Variants in FAM135B observed in about 807,000 individuals in gnomAD.
The protein encoded by FAM135B is family with sequence similarity 135 member B.
Under a neutral mutation model 127.7 loss-of-function variants are expected in FAM135B, and 43 were observed. The observed-to-expected ratio is 0.34, with a 90% CI of 0.26 to 0.43. The LOEUF is 0.43. Ranked by LOEUF, FAM135B falls within the 20% of genes least tolerant of loss-of-function variation. FAM135B has a pLI of 1.00. For synonymous variants in FAM135B, 670 were observed against 665.1 expected, an observed-to-expected ratio of 1.01 and a Z score of -0.11; for missense variants, 1,558 against 1,725.6, an observed-to-expected ratio of 0.90 and a Z score of 1.72.
chr8:138,393,698 C>T (rs1410000656), intron 1 of FAM135B, among the ~76,000 whole-genome samples: 4 of 152,170 alleles, frequency 2.6e-5, no homozygotes, highest in African/African-American at 9.7e-5. Flanking sequence ...CCTGCCCTCA[C>T]GGAGCCCATG....
At chr8:138,469,954 C>T (rs887870212) in intron 1 of FAM135B, among the ~76,000 whole-genome samples, 16 of 152,196 alleles carry the variant, frequency 1.1e-4, no homozygotes, top group Non-Finnish European at 1.8e-4. Flanking sequence ...ATTAACTCAA[C>T]ACCTTGGATG....
intron 1 of FAM135B, among the ~76,000 whole-genome samples, chr8:138,478,741 G>C (rs1376960200): frequency 1.3e-5 from 2 of 152,200 alleles, no homozygotes; most frequent in African/African-American, 4.8e-5. Context: ...CCTTGCCCTT[G>C]GGTGAGTGTT....
chr8:138,193,779 G>A (rs952234191), intron 9 of FAM135B, among the ~76,000 whole-genome samples: 3 of 152,138 alleles, frequency 2.0e-5, no homozygotes, highest in African/African-American at 4.8e-5. Flanking sequence ...GCTCTCTAGC[G>A]GTCCCCTCAG....
chr8:138,443,566 T>C (rs888413274), intron 1 of FAM135B, among the ~76,000 whole-genome samples: 1 of 152,168 alleles, frequency 6.6e-6, no homozygotes, highest in Non-Finnish European at 1.5e-5. Flanking sequence ...CATCCTTATT[T>C]TCAAAATTGT....
At chr8:138,393,698 CG>C (rs947181764) in intron 1 of FAM135B, among the ~76,000 whole-genome samples, 1 of 152,170 alleles carries the variant, frequency 6.6e-6, no homozygotes, top group African/African-American at 2.4e-5. Flanking sequence ...CCTGCCCTCA[CG>C]GAGCCCATGC....
chr8:138,335,653 A>C (rs1291029284), intron 2 of FAM135B, among the ~76,000 whole-genome samples: 1 of 152,180 alleles, frequency 6.6e-6, no homozygotes, highest in Non-Finnish European at 1.5e-5. Context: ...AAACAATAAT[A>C]ATGGGAGACT....
chr8:138,231,095 T>C (rs1240416555), intron 7 of FAM135B, among the ~76,000 whole-genome samples: 2 of 152,126 alleles, frequency 1.3e-5, no homozygotes, highest in African/African-American at 2.4e-5. Flanking sequence ...AGTGGTGCAA[T>C]CTCAGCTCAC....
chr8:138,388,381 T>G (rs1466451756), intron 1 of FAM135B, among the ~76,000 whole-genome samples: 1 of 152,170 alleles, frequency 6.6e-6, no homozygotes, highest in Admixed American at 6.5e-5. Flanking sequence ...GATCCAGTAA[T>G]TGTGCTCCCC....
chr8:138,390,222 C>T (rs910309659), intron 1 of FAM135B, among the ~76,000 whole-genome samples: 35 of 152,092 alleles, frequency 2.3e-4, no homozygotes, highest in Non-Finnish European at 4.4e-4. Flanking sequence ...AATCTCATCT[C>T]GAATTGTAGC....
At chr8:138,335,345 G>C (rs1181520267) in intron 2 of FAM135B, among the ~76,000 whole-genome samples, 3 of 152,224 alleles carry the variant, frequency 2.0e-5, no homozygotes. Context: ...TATTTTCTTT[G>C]TGTAAATTAA....
intron 2 of FAM135B, among the ~76,000 whole-genome samples, chr8:138,331,458 C>A (rs888207762): frequency 1.3e-5 from 2 of 152,044 alleles, no homozygotes; most frequent in African/African-American, 4.8e-5. Flanking sequence ...TAGTCATTAT[C>A]CCAGATTATA....
intron 1 of FAM135B, among the ~76,000 whole-genome samples, chr8:138,378,242 C>T (rs746332174): frequency 1.3e-5 from 2 of 152,206 alleles, no homozygotes; most frequent in Non-Finnish European, 2.9e-5. Flanking sequence ...GATAAATACC[C>T]TGACATAAAG....
intron 2 of FAM135B, among the ~76,000 whole-genome samples, chr8:138,362,682 G>A (rs1830504986): frequency 6.6e-6 from 1 of 152,070 alleles, no homozygotes; most frequent in African/African-American, 2.4e-5. Context: ...ATGTATAAAT[G>A]GTATGACACA....
intron 1 of FAM135B, among the ~76,000 whole-genome samples, chr8:138,406,232 T>C (rs1341302200): frequency 2.0e-5 from 3 of 152,062 alleles, no homozygotes. Flanking sequence ...AGATCCCATT[T>C]GTCAATTTTG....
At chr8:138,354,582 C>G (rs1829973180) in intron 2 of FAM135B, among the ~76,000 whole-genome samples, 3 of 152,140 alleles carry the variant, frequency 2.0e-5, no homozygotes, top group Non-Finnish European at 4.4e-5. Context: ...TTCTTGACTT[C>G]CACCTGTCTC....
chr8:138,251,147 C>A, intron 5 of FAM135B, 133 bp from the exon 6 acceptor site: 1 of 1,049,306 alleles, frequency 9.5e-7, no homozygotes, highest in Non-Finnish European at 1.4e-6. Flanking sequence ...TGCAAATGCT[C>A]TGCCTGGTAG....
chr8:138,260,804 A>G (rs1281158757), intron 4 of FAM135B, among the ~76,000 whole-genome samples: 1 of 151,898 alleles, frequency 6.6e-6, no homozygotes, highest in Non-Finnish European at 1.5e-5. Context: ...CCCACTTTCT[A>G]TATTATTGCC....
At chr8:138,388,824 G>T (rs1832372045) in intron 1 of FAM135B, among the ~76,000 whole-genome samples, 1 of 152,120 alleles carries the variant, frequency 6.6e-6, no homozygotes, top group Non-Finnish European at 1.5e-5. Flanking sequence ...GTTAATATAT[G>T]TCAACACTTC....
chr8:138,373,262 G>A (rs949630004), intron 1 of FAM135B, among the ~76,000 whole-genome samples: 1 of 151,966 alleles, frequency 6.6e-6, no homozygotes, highest in African/African-American at 2.4e-5. Context: ...AAGATTTCAT[G>A]GACATTTATT....
Sources: gnomAD v4.1 joint callset for allele counts (sites outside exome capture counted in the v4.1 genomes callset) on GRCh38, gnomAD v4.1.1 for gene constraint, MANE v1.5 for transcripts, NCBI Gene and HGNC (gene_info 2026-07-23, HGNC 2026-07-21) for gene names.